CNR2: variants seen among roughly 807,000 people sequenced by gnomAD.
The protein encoded by CNR2 is cannabinoid receptor 2 (macrophage).
For synonymous variants in CNR2, 172 were observed against 182.2 expected, an observed-to-expected ratio of 0.94 and a Z score of 0.45; for missense variants, 379 against 439.9, an observed-to-expected ratio of 0.86 and a Z score of 1.24.
chr1:23,877,831 G>A (rs1378595139), intron 1 of CNR2, among the ~76,000 whole-genome samples: 1 of 151,580 alleles, frequency 6.6e-6, no homozygotes, highest in Non-Finnish European at 1.5e-5. Context: ...CACGATGGTG[G>A]ACACCTGTAA....
intron 1 of CNR2, 104 bp downstream of exon 1, chr1:23,913,142 C>T: frequency 5.9e-6 from 1 of 168,562 alleles, no homozygotes; most frequent in Non-Finnish European, 1.3e-5. Flanking sequence ...GCCTGGTCAA[C>T]AGAGCAAAAC....
At chr1:23,902,738 G>C (rs576231692) in intron 1 of CNR2, 7 of 1,550,896 alleles carry the variant, frequency 4.5e-6, no homozygotes, top group Non-Finnish European at 6.1e-6. Context: ...GCAGCGTGGG[G>C]GACCGCGCCA....
intron 1 of CNR2, among the ~76,000 whole-genome samples, chr1:23,876,072 A>G (rs1317412426): frequency 1.3e-5 from 2 of 152,178 alleles, no homozygotes; most frequent in African/African-American, 2.4e-5. Flanking sequence ...TAATTTGCCA[A>G]TTTCGGCAAG....
chr1:23,897,039 C>T (rs551631864), intron 1 of CNR2, among the ~76,000 whole-genome samples: 1 of 152,134 alleles, frequency 6.6e-6, no homozygotes, highest in Admixed American at 6.6e-5. Flanking sequence ...GTGCCTGCCA[C>T]CATTTTTCTA....
At chr1:23,886,937 G>C (rs1640102774) in intron 1 of CNR2, among the ~76,000 whole-genome samples, 2 of 152,032 alleles carry the variant, frequency 1.3e-5, no homozygotes, top group African/African-American at 4.8e-5. Flanking sequence ...GCAGAGTCTT[G>C]CTCTGTTGCC....
chr1:23,878,107 T>A (rs1234739231), intron 1 of CNR2, among the ~76,000 whole-genome samples: 1 of 152,060 alleles, frequency 6.6e-6, no homozygotes, highest in Admixed American at 6.6e-5. Flanking sequence ...TTAGAGAGGA[T>A]AAACAGAGAA....
chr1:23,890,227 C>T (rs1200446726), intron 1 of CNR2, among the ~76,000 whole-genome samples: 1 of 136,694 alleles, frequency 7.3e-6, no homozygotes, highest in African/African-American at 2.7e-5. Flanking sequence ...CCACTGTGCT[C>T]TAGCCCGGGC....
chr1:23,884,678 G>T (rs2148461816), intron 1 of CNR2, among the ~76,000 whole-genome samples: 1 of 151,912 alleles, frequency 6.6e-6, no homozygotes, highest in Non-Finnish European at 1.5e-5. Flanking sequence ...GATAATAAAA[G>T]GTCGGCAATG....
chr1:23,900,630 C>T (rs541618063), intron 1 of CNR2, among the ~76,000 whole-genome samples: 1 of 151,840 alleles, frequency 6.6e-6, no homozygotes, highest in African/African-American at 2.4e-5. Context: ...CCTCAGCCTC[C>T]CAAGTAGCTG....
intron 1 of CNR2, among the ~76,000 whole-genome samples, chr1:23,895,517 T>C (rs564412303): frequency 4.3e-4 from 65 of 152,216 alleles, no homozygotes; most frequent in African/African-American, 1.4e-3. Context: ...TTTTTCTCTC[T>C]CTTTTTTTGA....
At chr1:23,885,734 C>T (rs1050918740) in intron 1 of CNR2, among the ~76,000 whole-genome samples, 1 of 151,322 alleles carries the variant, frequency 6.6e-6, no homozygotes, top group African/African-American at 2.4e-5. Context: ...AAAAATTGAC[C>T]AGGCGTGGTG....
At chr1:23,893,379 C>T (rs1432273459) in intron 1 of CNR2, among the ~76,000 whole-genome samples, 1 of 152,202 alleles carries the variant, frequency 6.6e-6, no homozygotes, top group Non-Finnish European at 1.5e-5. Flanking sequence ...AATCTCAGGT[C>T]GGCCACTGAT....
intron 1 of CNR2, among the ~76,000 whole-genome samples, chr1:23,894,357 G>T (rs1362370120): frequency 6.6e-6 from 1 of 152,012 alleles, no homozygotes; most frequent in Non-Finnish European, 1.5e-5. Context: ...GGAGGTGGAG[G>T]TTGCACTGAG....
At chr1:23,886,188 C>CCA (rs759994769) in intron 1 of CNR2, among the ~76,000 whole-genome samples, 2 of 130,412 alleles carry the variant, frequency 1.5e-5, no homozygotes, top group Non-Finnish European at 3.1e-5. Flanking sequence ...GACTCTATTT[C>CCA]AAAAAAAAAA....
At chr1:23,904,945 A>C (rs566407313) in intron 1 of CNR2, among the ~76,000 whole-genome samples, 1 of 152,232 alleles carries the variant, frequency 6.6e-6, no homozygotes, top group South Asian at 2.1e-4. Flanking sequence ...CAAAGGGTAG[A>C]GCCCCTACCC....
intron 1 of CNR2, among the ~76,000 whole-genome samples, chr1:23,904,832 C>T (rs967398880): frequency 2.0e-5 from 3 of 152,210 alleles, no homozygotes; most frequent in Non-Finnish European, 2.9e-5. Context: ...GGTGGCTTCT[C>T]TCTAAAGCAG....
chr1:23,896,756 T>C (rs1203184493), intron 1 of CNR2, among the ~76,000 whole-genome samples: 1 of 152,104 alleles, frequency 6.6e-6, no homozygotes, highest in African/African-American at 2.4e-5. Flanking sequence ...TAGCTTGCCG[T>C]CATGACGAGA....
chr1:23,910,572 T>G (rs1640565952), intron 1 of CNR2, among the ~76,000 whole-genome samples: 1 of 136,328 alleles, frequency 7.3e-6, no homozygotes, highest in African/African-American at 2.8e-5. Flanking sequence ...GAGAATCGCT[T>G]GAACCCAGGA....
intron 1 of CNR2, among the ~76,000 whole-genome samples, chr1:23,885,079 C>A (rs956387538): frequency 6.6e-6 from 1 of 151,846 alleles, no homozygotes; most frequent in East Asian, 1.9e-4. Flanking sequence ...GGGTTACAGG[C>A]ATGAGCCACC....
Sources: allele counts gnomAD v4.1 joint callset (sites outside exome capture counted in the v4.1 genomes callset), GRCh38; gene constraint gnomAD v4.1.1; transcripts MANE v1.5; gene names NCBI Gene and HGNC (gene_info 2026-07-23, HGNC 2026-07-21).